MEMO1: variants seen among roughly 807,000 people sequenced by gnomAD.
MEMO1 encodes mediator of cell motility 1, also known as protein MEMO1.
Under a neutral mutation model 45.2 loss-of-function variants are expected in MEMO1, and 6 were observed. The observed-to-expected ratio is 0.13, with a 90% CI of 0.07 to 0.26. The LOEUF (loss-of-function observed/expected upper bound fraction) is 0.26. Ranked by LOEUF, MEMO1 falls within the 10% of genes least tolerant of loss-of-function variation. MEMO1 has a pLI of 1.00. For synonymous variants in MEMO1, 78 were observed against 124.3 expected (o/e 0.63, Z 2.48); for missense variants, 184 against 370.5 (o/e 0.50, Z 4.13).
At chr2:31,903,244 T>C (rs1022573521) in intron 6 of MEMO1, among the ~76,000 whole-genome samples, 1 of 152,148 alleles carries the variant, frequency 6.6e-6, no homozygotes, top group Non-Finnish European at 1.5e-5. Flanking sequence ...CTAGAAGCAG[T>C]CCCAGTATCT....
chr2:31,993,548 G>A (rs141366588), intron 2 of MEMO1, among the ~76,000 whole-genome samples: 141 of 152,250 alleles, frequency 9.3e-4, no homozygotes, highest in East Asian at 7.5e-3. Flanking sequence ...TAGAATTTCC[G>A]GATCAGAATT....
rs147114628 is a variant in MEMO1, at chr2:31,893,137, G to T, written c.438-1003C>A. The T allele has an allele frequency of 1.0e-3, 179 of 177,224 alleles. 2 individuals are homozygous for T. In the East Asian group the frequency reaches 0.029, roughly 28 times the overall value. 11.0% of individuals were successfully genotyped at this position (177,224 alleles called of 1,614,324 possible). ...TGTAGGACAAACAAAATTCACAAAA[G>T]TTTTTAAAAATACTAAGTTTAAATA... On this transcript the variant is annotated intron_variant, in intron 6 of 9. Coordinates refer to ENST00000404530, the MANE Select transcript of MEMO1 (RefSeq NM_001301833.4).
At chr2:31,875,235 A>T (rs1674389313) in intron 8 of MEMO1, among the ~76,000 whole-genome samples, 1 of 152,166 alleles carries the variant, frequency 6.6e-6, no homozygotes, top group Non-Finnish European at 1.5e-5. Context: ...TTTAAATAAA[A>T]TTTTTAAAAT....
intron 8 of MEMO1, among the ~76,000 whole-genome samples, chr2:31,876,502 T>C (rs1036712134): frequency 5.9e-5 from 9 of 152,190 alleles, no homozygotes; most frequent in Non-Finnish European, 1.3e-4. Flanking sequence ...TTAGAAGTTT[T>C]ATGACAGCAA....
intron 2 of MEMO1, among the ~76,000 whole-genome samples, chr2:32,004,629 C>T (rs1411015827): frequency 1.3e-5 from 2 of 152,036 alleles, no homozygotes; most frequent in African/African-American, 4.8e-5. Context: ...TCTACTAAAA[C>T]TTATCACATG....
chr2:31,892,385 T>TA (rs916515551), intron 6 of MEMO1, among the ~76,000 whole-genome samples: 15 of 152,082 alleles, frequency 9.9e-5, no homozygotes, highest in Admixed American at 2.6e-4. Context: ...CCTCTTTAGG[T>TA]AAAAAAAGCT....
At chr2:31,901,007 G>A (rs531924884) in intron 6 of MEMO1, among the ~76,000 whole-genome samples, 1 of 152,202 alleles carries the variant, frequency 6.6e-6, no homozygotes, top group South Asian at 2.1e-4. Flanking sequence ...AACTGGAAAT[G>A]TTCAATAGTT....
chr2:31,870,453 T>C (rs1416599191), intron 8 of MEMO1, among the ~76,000 whole-genome samples: 1 of 152,138 alleles, frequency 6.6e-6, no homozygotes, highest in South Asian at 2.1e-4. Flanking sequence ...ATATCAACCA[T>C]GTAAGGTATT....
At chr2:31,900,531 G>C (rs1441771125) in intron 6 of MEMO1, among the ~76,000 whole-genome samples, 1 of 152,024 alleles carries the variant, frequency 6.6e-6, no homozygotes, top group Non-Finnish European at 1.5e-5. Context: ...GGGCCTGTTG[G>C]GGAGTGGGGG....
chr2:31,942,169 G>A (rs1028275359), intron 3 of MEMO1, among the ~76,000 whole-genome samples: 1 of 152,092 alleles, frequency 6.6e-6, no homozygotes, highest in African/African-American at 2.4e-5. Flanking sequence ...CTGTGTATGT[G>A]CTAGCTTGCA....
At chr2:31,937,927 A>G (rs1242177918) in intron 3 of MEMO1, among the ~76,000 whole-genome samples, 3 of 152,220 alleles carry the variant, frequency 2.0e-5, no homozygotes, top group Admixed American at 1.3e-4. Flanking sequence ...CAAGACAAGC[A>G]AGAAGATTGG....
At chr2:31,922,679 C>G (rs576812168) in intron 4 of MEMO1, among the ~76,000 whole-genome samples, 1 of 151,814 alleles carries the variant, frequency 6.6e-6, no homozygotes, top group Non-Finnish European at 1.5e-5. Flanking sequence ...CCCTTCCTTA[C>G]GTCCATATGT....
At chr2:31,868,864 A>G (rs1366765602) in intron 9 of MEMO1, among the ~76,000 whole-genome samples, 1 of 152,180 alleles carries the variant, frequency 6.6e-6, no homozygotes, top group East Asian at 1.9e-4. Flanking sequence ...ACTTTGACTA[A>G]ATTTGAAATG....
chr2:31,912,346 A>G (rs1680695252), intron 6 of MEMO1, among the ~76,000 whole-genome samples: 1 of 151,810 alleles, frequency 6.6e-6, no homozygotes, highest in Admixed American at 6.6e-5. Flanking sequence ...GCCTCAAGAA[A>G]AAAAAGAATT....
chr2:31,884,234 A>C lies in MEMO1; in HGVS notation c.581-772T>G, dbSNP rs149206391. On this transcript the variant is annotated intron_variant, in intron 7 of 9. Coordinates refer to ENST00000404530, the MANE Select transcript of MEMO1 (RefSeq NM_001301833.4). ...ATAAATTCTGTTTCCTACTAGTTACATGAAAATCAAGTTAAAAATTTTCTT... is the reference window on the plus strand; with the variant it reads ...ATAAATTCTGTTTCCTACTAGTTACCTGAAAATCAAGTTAAAAATTTTCTT... Among the ~76,000 whole-genome samples, 1,505 of 152,310 alleles carry C rather than the reference A, an allele frequency of 9.9e-3. 26 individuals are homozygous for C. Among genetic ancestry groups the C allele is most frequent in the African/African-American group, 0.035 (1,458 of 41,578 alleles).
At chr2:31,966,732 C>CAAAAAAAAAATA (rs1668659087) in intron 2 of MEMO1, among the ~76,000 whole-genome samples, 1 of 117,842 alleles carries the variant, frequency 8.5e-6, no homozygotes, top group Non-Finnish European at 1.8e-5. Flanking sequence ...GACTCTGTCT[C>CAAAAAAAAAATA]AAAAAAAAAA....
At chr2:31,972,868 A>G (rs918364944) in intron 2 of MEMO1, among the ~76,000 whole-genome samples, 2 of 152,266 alleles carry the variant, frequency 1.3e-5, no homozygotes, top group African/African-American at 2.4e-5. Context: ...CATTTCTCCA[A>G]GGAAGAAATA....
intron 6 of MEMO1, among the ~76,000 whole-genome samples, chr2:31,896,780 T>C (rs944705728): frequency 2.0e-5 from 3 of 152,166 alleles, no homozygotes; most frequent in African/African-American, 7.2e-5. Context: ...GGAATTTGTC[T>C]CCATAAATAC....
rs554797314 is a variant in MEMO1, at chr2:31,966,158, G to A, written c.62-22775C>T. Among the ~76,000 whole-genome samples, 191 of 152,184 alleles carry A rather than the reference G, an allele frequency of 1.3e-3. 1 individual carries two copies. The highest frequency in any genetic ancestry group is 3.4e-3 in the Admixed American group (52 of 15,270). On this transcript the variant is annotated intron_variant, in intron 2 of 9. Coordinates refer to ENST00000404530, the MANE Select transcript of MEMO1 (RefSeq NM_001301833.4). ...CCTCATTCAAAAAGTGAGAAAACTA[G>A]CAAAAATTCTCACAAGTCTAAATGC... is the stretch of plus-strand genomic sequence containing the variant.
Sources: allele counts gnomAD v4.1 joint callset (sites outside exome capture counted in the v4.1 genomes callset), GRCh38; gene constraint gnomAD v4.1.1; transcripts MANE v1.5; gene names NCBI Gene and HGNC (gene_info 2026-07-23, HGNC 2026-07-21).